Variants in RPS6KA2 observed in about 807,000 individuals in gnomAD.
The protein encoded by RPS6KA2 is ribosomal protein S6 kinase alpha-2.
A neutral mutation model predicts 91.8 loss-of-function variants in RPS6KA2; 42 were observed. That is an observed-to-expected ratio of 0.46 (90% CI 0.36 to 0.59). The LOEUF (loss-of-function observed/expected upper bound fraction) is 0.59, where lower values mean the gene tolerates loss of function less well. Ranked by LOEUF, RPS6KA2 falls within the 20% of genes least tolerant of loss-of-function variation. The probability of loss-of-function intolerance (pLI) is 0.00; values close to 1 mark genes in which losing one functional copy is unlikely to be tolerated. For missense variants in RPS6KA2, 798 were observed against 978.5 expected (o/e 0.82, Z 2.46); for synonymous variants, 414 against 393.6 (o/e 1.05, Z -0.61).
At chr6:166,702,609 C>G in intron 2 of RPS6KA2, 1 of 1,569,976 alleles carries the variant, frequency 6.4e-7, no homozygotes, top group African/African-American at 1.4e-5. Context: ...GAATCCTTTG[C>G]CTTTTTGGGA....
At chr6:166,742,301 A>ATCTC (rs1404800466) in intron 2 of RPS6KA2, among the ~76,000 whole-genome samples, 1 of 152,186 alleles carries the variant, frequency 6.6e-6, no homozygotes, top group African/African-American at 2.4e-5. Context: ...TCAAGAAGAA[A>ATCTC]TCTCTTCAAG....
At chr6:166,631,627 AAC>A (rs1477480969), upstream of RPS6KA2, among the ~76,000 whole-genome samples, 8 of 152,258 alleles carry the variant, frequency 5.3e-5, no homozygotes, top group Non-Finnish European at 8.8e-5. Context: ...CTTTCCTGGT[AAC>A]ACAGATTTTT....
chr6:166,796,582 T>G (rs78761422), intron 2 of RPS6KA2, among the ~76,000 whole-genome samples: 1 of 63,200 alleles, frequency 1.6e-5, no homozygotes, highest in Admixed American at 2.4e-4. Flanking sequence ...AGACTCTGTC[T>G]TAAAAAGAAA....
At chr6:166,765,749 G>A (rs1183427384) in intron 2 of RPS6KA2, among the ~76,000 whole-genome samples, 1 of 152,194 alleles carries the variant, frequency 6.6e-6, no homozygotes, top group Non-Finnish European at 1.5e-5. Context: ...GCACAGCTGA[G>A]CAATCGACTT....
intron 1 of RPS6KA2, among the ~76,000 whole-genome samples, chr6:166,540,839 C>T (rs373415605): frequency 5.9e-5 from 9 of 152,110 alleles, no homozygotes; most frequent in East Asian, 1.9e-4. Context: ...ACCTTCCACG[C>T]GGCTGCTGGA....
chr6:166,528,812 A>G lies in RPS6KA2; in HGVS notation c.298+2420T>C, dbSNP rs1289878654. ...ATACATTTATGCAGCCAAAAGACAC[A>G]TGAAAAAATGCTCATCATCACTGGC... On this transcript the variant is annotated intron_variant, in intron 3 of 20. Transcript: ENST00000265678. Among the ~76,000 whole-genome samples, 4 of 152,180 alleles carry G rather than the reference A, an allele frequency of 2.6e-5. 1 individual carries two copies. Among genetic ancestry groups the G allele is most frequent in the African/African-American group, 9.6e-5 (4 of 41,512 alleles).
intron 2 of RPS6KA2, among the ~76,000 whole-genome samples, chr6:166,761,156 C>G (rs1427601626): frequency 1.3e-5 from 2 of 152,240 alleles, no homozygotes; most frequent in Non-Finnish European, 2.9e-5. Flanking sequence ...CTCCGCCTCC[C>G]GGGTTCAAGC....
At chr6:166,796,417 T>C (rs845648) in intron 2 of RPS6KA2, among the ~76,000 whole-genome samples, 120,935 of 152,004 alleles carry the variant, frequency 0.8, 48,416 homozygotes, top group East Asian at 0.98. Flanking sequence ...GATAAAACCC[T>C]GTCTCTATTA....
rs1225885862 is a variant in RPS6KA2 at position 166,554,528 on chromosome 6, G to C, written c.100-15744C>G. On this transcript the variant is annotated intron_variant, in intron 1 of 20. Coordinates refer to ENST00000265678, the MANE Select transcript of RPS6KA2 (RefSeq NM_021135.6). This position sits in a 1 kb window ranked among gnomAD's most constrained non-coding sequence, Gnocchi z 4.3. ...AGCTCCGGATGTGCATCCTGTGTGG[G>C]GACAGAGAGAAACATTCAGGGACAA... 6.6e-6 allele frequency among the ~76,000 whole-genome samples: 1 copy of C among 152,208 alleles called. No individual in the cohort carries two copies.
chr6:166,458,336 GGA>G (rs1368787459), intron 12 of RPS6KA2, among the ~76,000 whole-genome samples: 1 of 152,154 alleles, frequency 6.6e-6, no homozygotes, highest in African/African-American at 2.4e-5. Flanking sequence ...TTTAAAAAGG[GGA>G]GTTTCCCTGC....
At chr6:166,415,633 A>G (rs1041042947) in intron 19 of RPS6KA2, among the ~76,000 whole-genome samples, 2 of 152,068 alleles carry the variant, frequency 1.3e-5, no homozygotes, top group African/African-American at 4.8e-5. Flanking sequence ...CCCTGCTCCC[A>G]TGCCAGCTTC....
At chr6:166,537,115 T>C (rs1263897039) in intron 2 of RPS6KA2, among the ~76,000 whole-genome samples, 1 of 152,268 alleles carries the variant, frequency 6.6e-6, no homozygotes. Context: ...AGACACTTCC[T>C]GGGCCTCCGC....
At chr6:166,706,535 G>A (rs184461916) in intron 2 of RPS6KA2, among the ~76,000 whole-genome samples, 11 of 152,328 alleles carry the variant, frequency 7.2e-5, no homozygotes, top group Admixed American at 2.6e-4. Flanking sequence ...GTCCCCTGCC[G>A]TGACTGCATG....
At chr6:166,743,040 G>C (rs1790859752) in intron 2 of RPS6KA2, among the ~76,000 whole-genome samples, 1 of 152,214 alleles carries the variant, frequency 6.6e-6, no homozygotes, top group Admixed American at 6.5e-5. Flanking sequence ...AGACACTCTG[G>C]TAACAAAAGA....
At position 166,423,287 on chromosome 6, in the gene RPS6KA2, G is replaced by A; in HGVS notation, c.1712C>T (p.Pro571Leu). Residue 571 changes from proline (P) to leucine (L), a missense_variant, in exon 17 of 21, where the codon CCC (proline) becomes CTC (leucine). By Grantham distance (98) the Pro-to-Leu change is moderately conservative. Coordinates refer to ENST00000265678, the MANE Select transcript of RPS6KA2 (RefSeq NM_021135.6). The surrounding 1 kb of genome is among the most constrained non-coding windows in gnomAD (Gnocchi z 4.8). Reference protein sequence around the residue: ...LRAGNGLLMTPCYTANFVAPE... With the variant: ...LRAGNGLLMTLCYTANFVAPE... The stretch of plus-strand genomic sequence containing the variant: ...GGCCACGAAATTGGCCGTGTAGCAG[G>A]GTGTCATGAGCAGCCCGTTCCCCGC... 1.2e-6 allele frequency: 2 copies of A among 1,613,774 alleles called. No homozygotes were observed. Among genetic ancestry groups the A allele is most frequent in the Non-Finnish European group, 1.7e-6 (2 of 1,179,816 alleles).
At chr6:166,789,743 A>G (rs1779033427) in intron 2 of RPS6KA2, among the ~76,000 whole-genome samples, 2 of 152,210 alleles carry the variant, frequency 1.3e-5, no homozygotes, top group South Asian at 4.1e-4. Context: ...CCTGATACCC[A>G]GGCAAACAGG....
At chr6:166,735,369 A>G (rs1790646722) in intron 2 of RPS6KA2, among the ~76,000 whole-genome samples, 2 of 152,218 alleles carry the variant, frequency 1.3e-5, no homozygotes, top group African/African-American at 2.4e-5. Context: ...GCAGTCCCCA[A>G]TCTTTTTGGC....
At chr6:166,795,004 A>G (rs907838052) in intron 2 of RPS6KA2, among the ~76,000 whole-genome samples, 1 of 152,064 alleles carries the variant, frequency 6.6e-6, no homozygotes, top group Non-Finnish European at 1.5e-5. Flanking sequence ...TATAATAACA[A>G]TAAAATAAAA....
intron 14 of RPS6KA2, among the ~76,000 whole-genome samples, chr6:166,439,229 T>G (rs1779441517): frequency 1.3e-5 from 2 of 152,206 alleles, no homozygotes; most frequent in African/African-American, 4.8e-5. Context: ...TGCCTCAGCC[T>G]CCTGAGTAGT....
Sources: allele counts gnomAD v4.1 joint callset (sites outside exome capture counted in the v4.1 genomes callset), GRCh38; gene constraint gnomAD v4.1.1; non-coding constraint Gnocchi (gnomAD v3.1); transcripts MANE v1.5; gene names NCBI Gene and HGNC (gene_info 2026-07-23, HGNC 2026-07-21).